PPP6R3: variants seen among roughly 807,000 people sequenced by gnomAD.
PPP6R3 encodes protein phosphatase 6 regulatory subunit 3.
A neutral mutation model predicts 110.7 loss-of-function variants in PPP6R3; 38 were observed. The ratio of observed to expected loss-of-function variants is 0.34; its 90% CI spans 0.26 to 0.45. The LOEUF is 0.45. Ranked by LOEUF, PPP6R3 falls within the 20% of genes least tolerant of loss-of-function variation. PPP6R3 has a pLI of 1.00. For synonymous variants in PPP6R3, 369 were observed against 373.5 expected, an observed-to-expected ratio of 0.99 and a Z score of 0.14; for missense variants, 870 against 1,062.4, an observed-to-expected ratio of 0.82 and a Z score of 2.52.
chr11:68,464,889 T>G (rs2098734733), intron 1 of PPP6R3, among the ~76,000 whole-genome samples: 1 of 151,976 alleles, frequency 6.6e-6, no homozygotes, highest in Admixed American at 6.6e-5. Context: ...TCAACTTTTT[T>G]TTTTTTTTTT....
intron 1 of PPP6R3, among the ~76,000 whole-genome samples, chr11:68,510,759 C>T (rs2099104778): frequency 6.6e-6 from 1 of 152,038 alleles, no homozygotes; most frequent in African/African-American, 2.4e-5. Context: ...TTTTCCCTTT[C>T]CTGGAGATAG....
At chr11:68,507,970 C>T (rs1168079626) in intron 1 of PPP6R3, among the ~76,000 whole-genome samples, 1 of 151,742 alleles carries the variant, frequency 6.6e-6, no homozygotes, top group Non-Finnish European at 1.5e-5. Flanking sequence ...CTTTGGGAGG[C>T]TGAGGTGGGA....
intron 6 of PPP6R3, among the ~76,000 whole-genome samples, chr11:68,551,597 C>T (rs2099378233): frequency 1.3e-5 from 2 of 152,156 alleles, no homozygotes. Context: ...TCAAGCAGTT[C>T]TCTGCCTCAG....
intron 1 of PPP6R3, among the ~76,000 whole-genome samples, chr11:68,466,135 G>A (rs2098743669): frequency 6.6e-6 from 1 of 152,184 alleles, no homozygotes; most frequent in South Asian, 2.1e-4. Context: ...GTGGGAGGGG[G>A]TGTTTCTCCT....
chr11:68,462,592 T>A (rs1319060827), intron 1 of PPP6R3, among the ~76,000 whole-genome samples: 1 of 152,210 alleles, frequency 6.6e-6, no homozygotes, highest in Non-Finnish European at 1.5e-5. Flanking sequence ...ATTGCAGTAT[T>A]CTTCAGCAAA....
At chr11:68,494,805 T>C (rs2099006193) in intron 1 of PPP6R3, among the ~76,000 whole-genome samples, 1 of 152,186 alleles carries the variant, frequency 6.6e-6, no homozygotes, top group Non-Finnish European at 1.5e-5. Context: ...GTCTGGATCT[T>C]AACGGCCCCC....
chr11:68,595,887 G>A (rs1359872137), intron 18 of PPP6R3, among the ~76,000 whole-genome samples: 2 of 152,190 alleles, frequency 1.3e-5, no homozygotes, highest in African/African-American at 4.8e-5. Flanking sequence ...CAGAGCCCAT[G>A]TGTTCCTGTG....
chr11:68,467,085 T>A (rs2098753717), intron 1 of PPP6R3, among the ~76,000 whole-genome samples: 1 of 152,264 alleles, frequency 6.6e-6, no homozygotes. Context: ...AAGAGCTGGC[T>A]TTACCCTGAG....
intron 1 of PPP6R3, among the ~76,000 whole-genome samples, chr11:68,506,414 CAAAAAAAAAAAA>C (rs67739319): frequency 7.6e-4 from 35 of 46,074 alleles, no homozygotes; most frequent in Non-Finnish European, 1.0e-3. Context: ...CCTTTATACT[CAAAAAAAAAAAA>C]AAAAAAAAAA....
At chr11:68,520,551 C>T (rs1157461354) in intron 2 of PPP6R3, among the ~76,000 whole-genome samples, 3 of 152,194 alleles carry the variant, frequency 2.0e-5, no homozygotes, top group Non-Finnish European at 4.4e-5. Context: ...TATGATGTCT[C>T]CTCAGCCCCA....
intron 15 of PPP6R3, among the ~76,000 whole-genome samples, chr11:68,586,010 T>C (rs2153833681): frequency 6.6e-6 from 1 of 151,644 alleles, no homozygotes; most frequent in Admixed American, 6.5e-5. Context: ...GCACCTGTAG[T>C]CTGGCTGCTC....
Position 68,596,126 on chromosome 11 carries a change from C to T in PPP6R3, c.1946C>T (p.Thr649Ile). The change falls in exon 19 of 24, where the codon ACA (threonine) becomes ATA (isoleucine). Residue 649 changes from threonine to isoleucine, a missense_variant. Physicochemically the swap from Thr to Ile is moderately conservative, Grantham distance 89. Coordinates refer to ENST00000393800, the MANE Select transcript of PPP6R3 (RefSeq NM_001164161.2). ...SSGSTDSEESTDSEEEDGAKQ... is the reference protein window; with the variant it reads ...SSGSTDSEESIDSEEEDGAKQ... ...GGGAGTACAGACAGTGAGGAAAGTA[C>T]AGACTCTGAAGAAGAAGATGGAGCA... is the stretch of plus-strand genomic sequence containing the variant. 1 of 1,614,172 alleles carries T rather than the reference C, an allele frequency of 6.2e-7. No homozygotes were observed. The highest frequency in any genetic ancestry group is 1.3e-5 in the African/African-American group (1 of 75,046).
At chr11:68,507,245 C>CTTTTTTTTTTTTTTTTTTTTTT (rs1565485429) in intron 1 of PPP6R3, among the ~76,000 whole-genome samples, 3 of 121,604 alleles carry the variant, frequency 2.5e-5, no homozygotes, top group Admixed American at 8.2e-5. Context: ...AGTCTTTTTG[C>CTTTTTTTTTTTTTTTTTTTTTT]ATTTTTTTTT....
chr11:68,582,806 G>A (rs1245246984), intron 14 of PPP6R3, among the ~76,000 whole-genome samples: 1 of 152,222 alleles, frequency 6.6e-6, no homozygotes, highest in Admixed American at 6.5e-5. Context: ...TTCTGGCGAT[G>A]TCAGTAGTGA....
chr11:68,593,815 T>C (rs895233887), intron 18 of PPP6R3, among the ~76,000 whole-genome samples: 1 of 152,128 alleles, frequency 6.6e-6, no homozygotes, highest in African/African-American at 2.4e-5. Flanking sequence ...GCCCAGGAGT[T>C]TGAGACCAGC....
chr11:68,488,389 G>A (rs1381619072), intron 1 of PPP6R3, among the ~76,000 whole-genome samples: 1 of 152,064 alleles, frequency 6.6e-6, no homozygotes, highest in African/African-American at 2.4e-5. Context: ...TCCCAGCCTG[G>A]TCTTGAGCTC....
intron 7 of PPP6R3, among the ~76,000 whole-genome samples, chr11:68,556,511 G>GT (rs1405102128): frequency 7.3e-6 from 1 of 137,824 alleles, no homozygotes; most frequent in Non-Finnish European, 1.5e-5. Context: ...GAGCCAGTTG[G>GT]TTTTTTGTAA....
intron 1 of PPP6R3, among the ~76,000 whole-genome samples, chr11:68,483,907 C>T (rs1007438705): frequency 6.6e-6 from 1 of 152,248 alleles, no homozygotes; most frequent in Non-Finnish European, 1.5e-5. Context: ...CCTGCAACCT[C>T]TGGCGACCAC....
At chr11:68,585,119 G>A (rs963116286) in intron 15 of PPP6R3, among the ~76,000 whole-genome samples, 1 of 152,174 alleles carries the variant, frequency 6.6e-6, no homozygotes, top group Non-Finnish European at 1.5e-5. Flanking sequence ...CGTCACCAGT[G>A]GGGAGTGCCT....
Sources: allele counts gnomAD v4.1 joint callset (sites outside exome capture counted in the v4.1 genomes callset), GRCh38; gene constraint gnomAD v4.1.1; transcripts MANE v1.5; gene names NCBI Gene and HGNC (gene_info 2026-07-23, HGNC 2026-07-21).